NSMCE2: variants seen among roughly 807,000 people sequenced by gnomAD.
The protein encoded by NSMCE2 is E3 SUMO-protein ligase NSE2.
In NSMCE2, 24 loss-of-function variants were observed where a neutral mutation model predicts 23.8. The ratio of observed to expected loss-of-function variants is 1.01; its 90% CI spans 0.73 to 1.42. NSMCE2 has a LOEUF of 1.42. Ranked by LOEUF, NSMCE2 falls within the 40% of genes most tolerant of loss-of-function variation. The probability of loss-of-function intolerance (pLI) is 0.00; values close to 1 mark genes in which losing one functional copy is unlikely to be tolerated. For missense variants in NSMCE2, 284 were observed against 296.5 expected, an observed-to-expected ratio of 0.96 and a Z score of 0.31; for synonymous variants, 92 against 94.1, an observed-to-expected ratio of 0.98 and a Z score of 0.13.
At chr8:125,356,991 A>G (rs1336195196) in intron 5 of NSMCE2, among the ~76,000 whole-genome samples, 2 of 152,154 alleles carry the variant, frequency 1.3e-5, no homozygotes, top group Non-Finnish European at 2.9e-5. Context: ...TAACTTTAAA[A>G]AAGATTCTTT....
chr8:125,142,272 T>C (rs539687240), intron 3 of NSMCE2, among the ~76,000 whole-genome samples: 1 of 152,300 alleles, frequency 6.6e-6, no homozygotes, highest in Admixed American at 6.5e-5. Flanking sequence ...ATTGTACCCA[T>C]TATATATAAA....
intron 5 of NSMCE2, among the ~76,000 whole-genome samples, chr8:125,242,106 G>GGGC (rs149750643): frequency 0.057 from 8,702 of 152,008 alleles, 467 homozygotes; most frequent in South Asian, 0.14. Context: ...ACAATAACTG[G>GGGC]GGGGGGAGTT....
intron 5 of NSMCE2, among the ~76,000 whole-genome samples, chr8:125,292,089 A>G (rs996697218): frequency 6.6e-6 from 1 of 152,100 alleles, no homozygotes; most frequent in Non-Finnish European, 1.5e-5. Flanking sequence ...GGATTGAGTC[A>G]CAAGTACCAC....
chr8:125,212,072 A>G (rs1165376232), intron 5 of NSMCE2, among the ~76,000 whole-genome samples: 1 of 152,198 alleles, frequency 6.6e-6, no homozygotes, highest in Non-Finnish European at 1.5e-5. Context: ...ATTTTGAATA[A>G]GAGAGAGCCA....
chr8:125,323,135 A>G (rs1829520914), intron 5 of NSMCE2, among the ~76,000 whole-genome samples: 1 of 152,246 alleles, frequency 6.6e-6, no homozygotes, highest in Non-Finnish European at 1.5e-5. Flanking sequence ...ACTGAATGCA[A>G]ACTGTGAGAA....
chr8:125,118,352 GC>G lies in NSMCE2; in HGVS notation c.157+15867del, dbSNP rs201025237. ...GCCGAGATTACACCACCGCACTCCA[GC>G]CTGGGTGACAGAGTGAGACTGTCTT... On this transcript the variant is annotated intron_variant, in intron 3 of 7. Coordinates refer to ENST00000287437, the MANE Select transcript of NSMCE2 (RefSeq NM_173685.4). Among the ~76,000 whole-genome samples, 839 of 152,210 alleles carry G rather than the reference GC, an allele frequency of 5.5e-3. 12 individuals carry two copies. The highest frequency in any genetic ancestry group is 0.019 in the African/African-American group (807 of 41,496).
intron 3 of NSMCE2, among the ~76,000 whole-genome samples, chr8:125,138,617 A>G (rs1023828442): frequency 4.6e-5 from 7 of 152,110 alleles, no homozygotes; most frequent in African/African-American, 1.7e-4. Flanking sequence ...TCGTTGTTTA[A>G]CTTATGGCTG....
intron 4 of NSMCE2, among the ~76,000 whole-genome samples, chr8:125,180,215 C>CT (rs1822731089): frequency 6.6e-6 from 1 of 152,118 alleles, no homozygotes; most frequent in African/African-American, 2.4e-5. Flanking sequence ...ATTATATTGC[C>CT]TTTCTATCTT....
rs558312464 is a variant in NSMCE2 at position 125,140,400 on chromosome 8, C to T, written c.158-10771C>T. Reference sequence around the variant, plus strand: ...TATAAAGGCCAGGCACAGTGGCTCACGCCTGTAATCCCAGCACTTTGGGAG... The same window carrying T: ...TATAAAGGCCAGGCACAGTGGCTCATGCCTGTAATCCCAGCACTTTGGGAG... On this transcript the variant is annotated intron_variant, in intron 3 of 7. Coordinates refer to ENST00000287437, the MANE Select transcript of NSMCE2 (RefSeq NM_173685.4). Among the ~76,000 whole-genome samples the T allele has an allele frequency of 2.8e-3, 421 of 152,248 alleles. 2 individuals carry two copies. The highest frequency in any genetic ancestry group is 4.3e-3 in the Non-Finnish European group (293 of 68,010).
intron 4 of NSMCE2, among the ~76,000 whole-genome samples, chr8:125,171,797 A>G (rs1822223475): frequency 6.6e-6 from 1 of 152,326 alleles, no homozygotes; most frequent in East Asian, 1.9e-4. Context: ...ACCAAGTACT[A>G]GAGAGTATTC....
At chr8:125,140,986 C>G (rs1820344442) in intron 3 of NSMCE2, among the ~76,000 whole-genome samples, 1 of 152,130 alleles carries the variant, frequency 6.6e-6, no homozygotes, top group African/African-American at 2.4e-5. Flanking sequence ...GATTTGGAGG[C>G]TTTAGGTAGC....
At chr8:125,250,066 T>C (rs528182140) in intron 5 of NSMCE2, among the ~76,000 whole-genome samples, 1 of 152,376 alleles carries the variant, frequency 6.6e-6, no homozygotes, top group East Asian at 1.9e-4. Flanking sequence ...CTCGGCTCAC[T>C]GCAACCTCCG....
intron 5 of NSMCE2, among the ~76,000 whole-genome samples, chr8:125,196,023 G>A (rs1433815232): frequency 6.6e-6 from 1 of 150,850 alleles, no homozygotes; most frequent in Non-Finnish European, 1.5e-5. Flanking sequence ...TGGGATTACA[G>A]GTGCCTGCCA....
intron 5 of NSMCE2, among the ~76,000 whole-genome samples, chr8:125,210,484 C>T (rs1824282362): frequency 6.6e-6 from 1 of 152,116 alleles, no homozygotes; most frequent in South Asian, 2.1e-4. Flanking sequence ...GCATGGATTA[C>T]ATTATACACA....
intron 3 of NSMCE2, among the ~76,000 whole-genome samples, chr8:125,122,019 G>C (rs1424900756): frequency 6.6e-6 from 1 of 151,752 alleles, no homozygotes; most frequent in Non-Finnish European, 1.5e-5. Flanking sequence ...TCTTACCTAC[G>C]CATTATTGAC....
chr8:125,329,567 TCTTAGTCCTCAGCAAC>T (rs1477850964), intron 5 of NSMCE2, among the ~76,000 whole-genome samples: 2 of 152,206 alleles, frequency 1.3e-5, no homozygotes, highest in Non-Finnish European at 2.9e-5. Flanking sequence ...TGCCAGCAGA[TCTTAGTCCTCAGCAAC>T]ACACCTGTCT....
chr8:125,323,275 G>GT (rs574758038), intron 5 of NSMCE2, among the ~76,000 whole-genome samples: 16 of 152,074 alleles, frequency 1.1e-4, no homozygotes, highest in African/African-American at 2.7e-4. Context: ...CCCAGCAGGG[G>GT]TTTTTTTGTA....
chr8:125,301,192 A>G (rs1284768772), intron 5 of NSMCE2, among the ~76,000 whole-genome samples: 1 of 152,208 alleles, frequency 6.6e-6, no homozygotes, highest in African/African-American at 2.4e-5. Flanking sequence ...CTAGAACCCC[A>G]GCAGCACAGG....
At chr8:125,325,842 C>T (rs1170206160) in intron 5 of NSMCE2, among the ~76,000 whole-genome samples, 1 of 152,166 alleles carries the variant, frequency 6.6e-6, no homozygotes, top group African/African-American at 2.4e-5. Flanking sequence ...ATCCCAGCTA[C>T]TTGGTAGTCT....
Sources: allele counts gnomAD v4.1 joint callset (sites outside exome capture counted in the v4.1 genomes callset), GRCh38; gene constraint gnomAD v4.1.1; transcripts MANE v1.5; gene names NCBI Gene and HGNC (gene_info 2026-07-23, HGNC 2026-07-21).